STXBP5: variants seen among roughly 807,000 people sequenced by gnomAD.
STXBP5 encodes the protein syntaxin binding protein 5, also known as syntaxin-binding protein 5.
In STXBP5, 50 loss-of-function variants were observed where a neutral mutation model predicts 152.4. The ratio of observed to expected loss-of-function variants is 0.33; its 90% CI spans 0.26 to 0.42. The LOEUF (loss-of-function observed/expected upper bound fraction) is 0.42. Among genes scored for constraint, STXBP5 ranks in the 10% least tolerant of loss-of-function variants. The probability of loss-of-function intolerance (pLI) is 1.00; values close to 1 mark genes in which losing one functional copy is unlikely to be tolerated. For synonymous variants in STXBP5, 492 were observed against 494.7 expected (o/e 0.99, Z 0.07); for missense variants, 1,167 against 1,388.6 (o/e 0.84, Z 2.54).
chr6:147,359,359 GGTGTGAT>G (rs754297754), intron 23 of STXBP5, 36 bp downstream of exon 23: 2 of 1,586,860 alleles, frequency 1.3e-6, no homozygotes, highest in African/African-American at 2.7e-5. Context: ...TTACATTACA[GGTGTGAT>G]TTACTATGAT....
At chr6:147,383,068 T>A in intron 27 of STXBP5, 70 bp downstream of exon 27, 4 of 1,522,016 alleles carry the variant, frequency 2.6e-6, no homozygotes, top group Non-Finnish European at 3.6e-6. Context: ...ACTTTATTTT[T>A]ATAGCTATTG....
intron 9 of STXBP5, among the ~76,000 whole-genome samples, chr6:147,301,113 C>T (rs1781791560): frequency 6.6e-6 from 1 of 152,022 alleles, no homozygotes. Context: ...TCACCTCACT[C>T]CAGTTAGAAT....
At chr6:147,236,019 G>A (rs1332071657) in intron 3 of STXBP5, among the ~76,000 whole-genome samples, 1 of 152,088 alleles carries the variant, frequency 6.6e-6, no homozygotes, top group Non-Finnish European at 1.5e-5. Context: ...GATAGATTGT[G>A]GACATTATTT....
chr6:147,375,061 C>T (rs9497762), intron 26 of STXBP5, among the ~76,000 whole-genome samples: 9,431 of 152,200 alleles, frequency 0.062, 432 homozygotes, highest in African/African-American at 0.12. Context: ...GAATATAGTG[C>T]ATTCCAAGTC....
intron 9 of STXBP5, among the ~76,000 whole-genome samples, chr6:147,307,323 A>G (rs186107096): frequency 2.1e-3 from 314 of 152,342 alleles, no homozygotes; most frequent in African/African-American, 7.3e-3. Context: ...AAAGTAATCA[A>G]GTAAAAACTA....
intron 19 of STXBP5, among the ~76,000 whole-genome samples, chr6:147,338,695 T>C (rs1783946963): frequency 6.6e-6 from 1 of 151,760 alleles, no homozygotes; most frequent in Non-Finnish European, 1.5e-5. Flanking sequence ...TCCCTTATTG[T>C]ACATTTTAAA....
chr6:147,375,470 C>T (rs1405699088), intron 26 of STXBP5, among the ~76,000 whole-genome samples: 4 of 151,526 alleles, frequency 2.6e-5, no homozygotes, highest in South Asian at 2.1e-4. Flanking sequence ...CTTAAACATA[C>T]GTTAGGAGAA....
At chr6:147,335,201 T>C (rs1247702924) in intron 19 of STXBP5, among the ~76,000 whole-genome samples, 2 of 152,186 alleles carry the variant, frequency 1.3e-5, no homozygotes, top group African/African-American at 4.8e-5. Flanking sequence ...GAGGAATTGG[T>C]CACATAATTA....
chr6:147,288,493 T>G (rs1781108631), intron 8 of STXBP5, among the ~76,000 whole-genome samples: 1 of 152,164 alleles, frequency 6.6e-6, no homozygotes, highest in South Asian at 2.1e-4. Context: ...GTAGTATCTA[T>G]TGGGTAGATG....
chr6:147,289,104 C>G (rs1208787527), intron 8 of STXBP5, among the ~76,000 whole-genome samples: 5 of 152,168 alleles, frequency 3.3e-5, no homozygotes, highest in Non-Finnish European at 5.9e-5. Flanking sequence ...ATTCAGTTAA[C>G]ACTTTAGTGC....
intron 9 of STXBP5, among the ~76,000 whole-genome samples, chr6:147,305,261 T>TA (rs568410615): frequency 3.3e-5 from 5 of 151,910 alleles, no homozygotes; most frequent in Non-Finnish European, 2.9e-5. Context: ...TCAACAAATT[T>TA]AAAAAAAAAT....
Position 147,339,748 on chromosome 6 carries a change from C to G in STXBP5, c.2254+364C>G, listed in dbSNP as rs373140933. On this transcript the variant is annotated intron_variant, in intron 21 of 27. Transcript: ENST00000321680. ...TGTGTTTTTTCTACCTTTATTCTGT[C>G]TCTCTCATATTTTCAAGGCCCCGTA... is the stretch of plus-strand genomic sequence containing the variant. Among the ~76,000 whole-genome samples the G allele has an allele frequency of 5.5e-4, 83 of 151,842 alleles. 1 individual carries two copies. The South Asian group carries it at 0.016, about 29-fold the overall frequency.
chr6:147,350,039 G>A lies in STXBP5; in HGVS notation c.2255-3284G>A, dbSNP rs1233271381. On this transcript the variant is annotated intron_variant, in intron 21 of 27. Transcript: ENST00000321680. ...GGATATCCACTTGCAAACTGTTTTG[G>A]GAGAAAATAATAAATTGACTATATT... Among the ~76,000 whole-genome samples, 5 of 151,894 alleles carry A rather than the reference G, an allele frequency of 3.3e-5. 1 individual carries two copies. The highest frequency in any genetic ancestry group is 3.3e-4 in the Admixed American group (5 of 15,244).
chr6:147,383,178 C>G (rs1220722420), intron 27 of STXBP5, among the ~76,000 whole-genome samples, 180 bp downstream of exon 27: 1 of 151,980 alleles, frequency 6.6e-6, no homozygotes, highest in Non-Finnish European at 1.5e-5. Flanking sequence ...TCTCTAATAG[C>G]CTTTGGTTTC....
intron 25 of STXBP5, among the ~76,000 whole-genome samples, chr6:147,365,461 T>C (rs1370837339): frequency 1.3e-5 from 2 of 152,222 alleles, no homozygotes; most frequent in African/African-American, 4.8e-5. Context: ...AATCTAAACT[T>C]CACACTTTTC....
intron 11 of STXBP5, among the ~76,000 whole-genome samples, chr6:147,313,507 AT>A (rs970326472): frequency 2.6e-5 from 4 of 152,208 alleles, no homozygotes; most frequent in Admixed American, 6.5e-5. Context: ...CTCTGCTGAC[AT>A]AAGGATGAGG....
chr6:147,336,930 A>G (rs1783852159), intron 19 of STXBP5, among the ~76,000 whole-genome samples: 1 of 152,120 alleles, frequency 6.6e-6, no homozygotes, highest in African/African-American at 2.4e-5. Flanking sequence ...ATTAAAATCA[A>G]AGCTATCTTC....
chr6:147,334,000 C>G (rs1206632766), intron 18 of STXBP5, among the ~76,000 whole-genome samples, 157 bp from the exon 19 acceptor site: 1 of 152,096 alleles, frequency 6.6e-6, no homozygotes, highest in African/African-American at 2.4e-5. Flanking sequence ...TAAAATGTTT[C>G]TATCTCAAAC....
Position 147,384,834 on chromosome 6 carries a change from A to G in STXBP5, c.*79A>G, listed in dbSNP as rs1786265502. The G allele has an allele frequency of 1.4e-6, 2 of 1,385,466 alleles. No homozygotes were observed. The highest frequency in any genetic ancestry group is 1.0e-6 in the Non-Finnish European group (1 of 983,126). The allele number at this position is 1,385,466 out of a possible 1,614,324, so 85.8% of individuals were successfully genotyped here. On this transcript the variant is annotated 3_prime_UTR_variant, in exon 28 of 28. Coordinates refer to ENST00000321680, the MANE Select transcript of STXBP5 (RefSeq NM_001127715.4). ...TTTATTACATTCTTTAGGAAAGTTAACGTTAAAGGGATGTTCGTCACTGAA... is the reference window on the plus strand; with the variant it reads ...TTTATTACATTCTTTAGGAAAGTTAGCGTTAAAGGGATGTTCGTCACTGAA...
Sources: allele counts gnomAD v4.1 joint callset (sites outside exome capture counted in the v4.1 genomes callset), GRCh38; gene constraint gnomAD v4.1.1; transcripts MANE v1.5; gene names NCBI Gene and HGNC (gene_info 2026-07-23, HGNC 2026-07-21).